Variants in DPP6 observed in about 807,000 individuals in gnomAD.
The protein encoded by DPP6 is A-type potassium channel modulatory protein DPP6.
DPP6 carries 69 observed loss-of-function variants against 122.6 expected under a neutral mutation model. The ratio of observed to expected loss-of-function variants is 0.56; its 90% CI spans 0.46 to 0.69. The LOEUF is 0.69. Ranked by LOEUF, DPP6 falls within the 30% of genes least tolerant of loss-of-function variation. The probability of loss-of-function intolerance (pLI) is 0.00; values close to 1 mark genes in which losing one functional copy is unlikely to be tolerated. For missense variants in DPP6, 928 were observed against 1,116.9 expected (o/e 0.83, Z 2.41); for synonymous variants, 418 against 433.1 (o/e 0.97, Z 0.43).
chr7:154,040,895 C>T (rs1407931229), intron 1 of DPP6, among the ~76,000 whole-genome samples: 1 of 150,556 alleles, frequency 6.6e-6, no homozygotes, highest in African/African-American at 2.5e-5. Flanking sequence ...CAACTCATAG[C>T]AGCCTTGGTG....
At chr7:154,825,341 T>C (rs560613647) in intron 16 of DPP6, among the ~76,000 whole-genome samples, 1 of 152,238 alleles carries the variant, frequency 6.6e-6, no homozygotes, top group Non-Finnish European at 1.5e-5. Flanking sequence ...ATTTTAAATC[T>C]ACCTGTACTG....
At chr7:154,070,222 C>T (rs1407579545) in intron 1 of DPP6, among the ~76,000 whole-genome samples, 3 of 147,884 alleles carry the variant, frequency 2.0e-5, no homozygotes, top group Non-Finnish European at 3.0e-5. Context: ...TGGACTGTGT[C>T]GTTCACTGTG....
the DPP6 span, among the ~76,000 whole-genome samples, chr7:153,872,417 T>C: frequency 1.3e-5 from 2 of 152,240 alleles, no homozygotes; most frequent in Non-Finnish European, 2.9e-5. Flanking sequence ...AAGAACTGGC[T>C]CATTTAAATA....
intron 12 of DPP6, among the ~76,000 whole-genome samples, chr7:154,800,435 T>C (rs1171183196): frequency 6.6e-6 from 1 of 152,212 alleles, no homozygotes; most frequent in Non-Finnish European, 1.5e-5. Context: ...TAATTGGTGT[T>C]CACGGATGGA....
At chr7:154,120,217 C>T (rs1207040022) in intron 1 of DPP6, among the ~76,000 whole-genome samples, 1 of 151,256 alleles carries the variant, frequency 6.6e-6, no homozygotes, top group East Asian at 1.9e-4. Flanking sequence ...TTTCTATATT[C>T]GTCATTCTTC....
At chr7:154,001,906 G>A (rs574406365) in intron 1 of DPP6, among the ~76,000 whole-genome samples, 20 of 151,944 alleles carry the variant, frequency 1.3e-4, no homozygotes, top group Admixed American at 1.2e-3. Flanking sequence ...AGATGGTTTG[G>A]TAACATCCAA....
At chr7:154,369,530 G>T (rs558641628) in intron 1 of DPP6, among the ~76,000 whole-genome samples, 1 of 151,926 alleles carries the variant, frequency 6.6e-6, no homozygotes, top group Non-Finnish European at 1.5e-5. Context: ...CACCACGCCC[G>T]GCTAATTTTT....
intron 1 of DPP6, among the ~76,000 whole-genome samples, chr7:154,266,027 C>A (rs896377811): frequency 6.6e-6 from 1 of 152,172 alleles, no homozygotes; most frequent in Non-Finnish European, 1.5e-5. Flanking sequence ...GTAGACTCAT[C>A]CCCCTCCCAT....
At chr7:153,969,914 A>C (rs1795944194) in intron 1 of DPP6, among the ~76,000 whole-genome samples, 1 of 151,934 alleles carries the variant, frequency 6.6e-6, no homozygotes, top group Admixed American at 6.5e-5. Flanking sequence ...CTAGAATTTC[A>C]TATAAATGGA....
At chr7:154,112,669 T>C (rs201356219) in intron 1 of DPP6, among the ~76,000 whole-genome samples, 5 of 151,058 alleles carry the variant, frequency 3.3e-5, no homozygotes, top group East Asian at 2.0e-4. Flanking sequence ...AAAAGGAATC[T>C]CTCAGTAGGT....
At chr7:153,874,158 T>C in the DPP6 span, among the ~76,000 whole-genome samples, 668 of 152,186 alleles carry the variant, frequency 4.4e-3, 6 homozygotes, top group Non-Finnish European at 7.5e-3. Flanking sequence ...ACACCTAGTA[T>C]TGGAAATATG....
At chr7:154,140,645 G>T (rs1211247907) in intron 1 of DPP6, among the ~76,000 whole-genome samples, 7 of 152,098 alleles carry the variant, frequency 4.6e-5, no homozygotes, top group Admixed American at 3.9e-4. Context: ...GTACAAGGAG[G>T]ATTCAGCTTA....
Position 154,152,243 on chromosome 7 carries a change from CAT to C in DPP6, c.243+99182_243+99183del, listed in dbSNP as rs527753899. Among the ~76,000 whole-genome samples the C allele has an allele frequency of 1.8e-4, 27 of 152,164 alleles. No homozygotes were observed. In the East Asian group the frequency reaches 4.1e-3, roughly 23 times the overall value. Reference sequence around the variant, plus strand: ...GGAAGAGAGCAGGTGAAGGAGGAGACATAATTTTTTCACAGGAGGCAGCTGCT... The same window carrying C: ...GGAAGAGAGCAGGTGAAGGAGGAGACAATTTTTTCACAGGAGGCAGCTGCT... On this transcript the variant is annotated intron_variant, in intron 1 of 25. Coordinates refer to ENST00000377770, the MANE Select transcript of DPP6 (RefSeq NM_130797.4).
chr7:154,645,479 A>T (rs916522242), intron 6 of DPP6, among the ~76,000 whole-genome samples: 10 of 151,666 alleles, frequency 6.6e-5, no homozygotes, highest in African/African-American at 2.4e-4. Context: ...TCCTCCTTCT[A>T]TCCCTCCCTC....
At position 154,481,083 on chromosome 7, in the gene DPP6, G is replaced by T. The variant is rs1323658709; in HGVS notation, c.457+6046G>T. 6.6e-6 allele frequency among the ~76,000 whole-genome samples: 1 copy of T among 152,096 alleles called. No individual in the cohort carries two copies. The highest frequency in any genetic ancestry group is 2.4e-5 in the African/African-American group (1 of 41,432). ...CTGGACTCAAGCCCAGCAGCAGCAG[G>T]AAGGACCGAGGCTCTACTCCGGCAC... On this transcript the variant is annotated intron_variant, in intron 3 of 25. Transcript: ENST00000377770. The surrounding 1 kb of genome is among the most constrained non-coding windows in gnomAD (Gnocchi z 4.2).
intron 1 of DPP6, among the ~76,000 whole-genome samples, chr7:154,223,932 A>G (rs1483720940): frequency 6.7e-6 from 1 of 148,570 alleles, no homozygotes; most frequent in Admixed American, 6.6e-5. Flanking sequence ...TTCCCTGGGA[A>G]GACACTGTGG....
chr7:154,512,766 G>C (rs1265266942), intron 3 of DPP6, among the ~76,000 whole-genome samples: 1 of 152,174 alleles, frequency 6.6e-6, no homozygotes, highest in Admixed American at 6.5e-5. Context: ...TGGACCTCTT[G>C]TGGTTTCCAG....
At position 154,453,887 on chromosome 7, in the gene DPP6, A is replaced by G. The variant is rs1447534530; in HGVS notation, c.358+7559A>G. 2.0e-5 allele frequency among the ~76,000 whole-genome samples: 3 copies of G among 152,202 alleles called. No homozygotes were observed. In the East Asian group the frequency reaches 5.8e-4, roughly 29 times the overall value. On this transcript the variant is annotated intron_variant, in intron 2 of 25. Coordinates refer to ENST00000377770, the MANE Select transcript of DPP6 (RefSeq NM_130797.4). ...TGTACTGCTACCCAATTTTTAACCT[A>G]TATTGGATTATCTTATCATAAAGTC...
chr7:154,818,485 G>A (rs1563245896), intron 16 of DPP6, among the ~76,000 whole-genome samples: 6 of 152,184 alleles, frequency 3.9e-5, no homozygotes, highest in Admixed American at 3.3e-4. Flanking sequence ...AATAACTCAT[G>A]CCTAACCGTA....
Sources: allele counts gnomAD v4.1 joint callset (sites outside exome capture counted in the v4.1 genomes callset), GRCh38; gene constraint gnomAD v4.1.1; non-coding constraint Gnocchi (gnomAD v3.1); transcripts MANE v1.5; gene names NCBI Gene and HGNC (gene_info 2026-07-23, HGNC 2026-07-21).